Variants in TMEM9B observed in about 807,000 individuals in gnomAD.
TMEM9B encodes the protein transmembrane protein 9B.
TMEM9B carries 8 observed loss-of-function variants against 23.5 expected under a neutral mutation model. The ratio of observed to expected loss-of-function variants is 0.34; its 90% CI spans 0.20 to 0.61. TMEM9B has a LOEUF of 0.61. Among genes scored for constraint, TMEM9B ranks in the 20% least tolerant of loss-of-function variants. TMEM9B has a pLI of 0.78. For missense variants in TMEM9B, 197 were observed against 252.3 expected (o/e 0.78, Z 1.49); for synonymous variants, 106 against 96.3 (o/e 1.10, Z -0.59).
At chr11:8,954,404 G>T (rs181064495) in intron 3 of TMEM9B, among the ~76,000 whole-genome samples, 1 of 151,666 alleles carries the variant, frequency 6.6e-6, no homozygotes, top group Admixed American at 6.6e-5. Flanking sequence ...TTCTCATGCC[G>T]TAGCCTCCCA....
intron 3 of TMEM9B, among the ~76,000 whole-genome samples, chr11:8,954,000 C>A (rs1853928621): frequency 6.6e-6 from 1 of 152,136 alleles, no homozygotes. Flanking sequence ...ATAGTAAAAA[C>A]CCAGACATAA....
chr11:8,963,831 G>A (rs1426292411), intron 1 of TMEM9B, among the ~76,000 whole-genome samples: 1 of 151,982 alleles, frequency 6.6e-6, no homozygotes, highest in Admixed American at 6.5e-5. Flanking sequence ...GGCGGAGGGC[G>A]CAGGTGGGCT....
intron 2 of TMEM9B, 89 bp downstream of exon 2, chr11:8,961,997 TAAAAAG>T (rs1854091597): frequency 5.9e-6 from 5 of 845,708 alleles, no homozygotes; most frequent in Non-Finnish European, 8.9e-6. Context: ...ATGAAATACT[TAAAAAG>T]AAAACTATGC....
chr11:8,964,163 G>A (rs987393386), intron 1 of TMEM9B, 46 bp downstream of exon 1: 10 of 1,537,230 alleles, frequency 6.5e-6, no homozygotes, highest in Non-Finnish European at 8.8e-6. Flanking sequence ...CAAGGCCGGT[G>A]GTAGGGGAGG....
At position 8,964,427 on chromosome 11, in the gene TMEM9B, G is replaced by T. The variant is rs1359967621; in HGVS notation, c.-114C>A. The T allele has an allele frequency of 5.6e-6, 8 of 1,435,274 alleles. No homozygotes were observed. Among genetic ancestry groups the T allele is most frequent in the Non-Finnish European group, 6.4e-6 (7 of 1,101,278 alleles). The allele number at this position is 1,435,274 out of a possible 1,614,324, so 88.9% of individuals were successfully genotyped here. ...CTTGGGACCCGGCTGGGGATCCTCCGCCCGCACTTCCGTCTGGACGCGAAG... is the reference window on the plus strand; with the variant it reads ...CTTGGGACCCGGCTGGGGATCCTCCTCCCGCACTTCCGTCTGGACGCGAAG... On this transcript the variant is annotated 5_prime_UTR_variant, in exon 1 of 5. Transcript: ENST00000534025.
chr11:8,947,718 A>G lies in TMEM9B; in HGVS notation c.*602T>C. On this transcript the variant is annotated 3_prime_UTR_variant, in exon 5 of 5. Transcript: ENST00000534025. ...TGTGAAAAGCCACCAGGCATTTTAG[A>G]TCCCGTTTACCATGAAGTGCAGACA... The G allele has an allele frequency of 6.5e-6, 1 of 152,764 alleles. No homozygotes were observed. 9.5% of individuals were successfully genotyped at this position (152,764 alleles called of 1,614,324 possible).
intron 4 of TMEM9B, among the ~76,000 whole-genome samples, chr11:8,951,757 C>CAA (rs747141702): frequency 0.068 from 6,165 of 91,214 alleles, 201 homozygotes; most frequent in East Asian, 0.19. Context: ...GACTGCGTCT[C>CAA]AAAAAAAAAA....
At chr11:8,963,964 G>A in intron 1 of TMEM9B, 2 of 535,266 alleles carry the variant, frequency 3.7e-6, no homozygotes, top group Non-Finnish European at 6.6e-6. Context: ...TGTCCGGACT[G>A]TGGGCACTGT....
chr11:8,948,740 TAAA>T (rs1853822771), intron 4 of TMEM9B, among the ~76,000 whole-genome samples: 1 of 152,120 alleles, frequency 6.6e-6, no homozygotes, highest in Non-Finnish European at 1.5e-5. Context: ...ATATTTCCCT[TAAA>T]GAAGTGGAGA....
intron 2 of TMEM9B, among the ~76,000 whole-genome samples, chr11:8,959,894 G>A (rs1305864379): frequency 6.6e-6 from 1 of 152,098 alleles, no homozygotes; most frequent in East Asian, 1.9e-4. Context: ...AAAATGAAAG[G>A]CCCAGAAAAC....
At chr11:8,951,051 T>C (rs570700792) in intron 4 of TMEM9B, among the ~76,000 whole-genome samples, 47 of 152,286 alleles carry the variant, frequency 3.1e-4, no homozygotes, top group African/African-American at 1.0e-3. Context: ...AGAGACAGTG[T>C]TCTCAAATAG....
At chr11:8,952,179 T>G (rs1853889437) in intron 4 of TMEM9B, among the ~76,000 whole-genome samples, 1 of 151,998 alleles carries the variant, frequency 6.6e-6, no homozygotes, top group African/African-American at 2.4e-5. Flanking sequence ...TTTCTGGACA[T>G]TTTTGAATAA....
chr11:8,953,492 A>G (rs528353219), intron 3 of TMEM9B, among the ~76,000 whole-genome samples, 155 bp from the exon 4 acceptor site: 98 of 123,472 alleles, frequency 7.9e-4, no homozygotes, highest in Middle Eastern at 3.8e-3. Flanking sequence ...ACTCTTCACC[A>G]AAGTATTATT....
At chr11:8,952,858 G>A in intron 4 of TMEM9B, 3 of 488,010 alleles carry the variant, frequency 6.1e-6, no homozygotes, top group Non-Finnish European at 7.2e-6. Context: ...TGGTGATATT[G>A]ACAGAGAAGG....
Position 8,947,829 on chromosome 11 carries a change from A to C in TMEM9B, c.*491T>G, listed in dbSNP as rs1201640494. 6.4e-6 allele frequency: 1 copy of C among 155,368 alleles called. No individual in the cohort carries two copies. Among genetic ancestry groups the C allele is most frequent in the Non-Finnish European group, 1.4e-5 (1 of 69,740 alleles). 9.6% of individuals were successfully genotyped at this position (155,368 alleles called of 1,614,324 possible). ...TGAGGCTGGCTACACTGCAAAATAT[A>C]AATGAAACTCGAAAATAGAAGGTAA... On this transcript the variant is annotated 3_prime_UTR_variant, in exon 5 of 5. Coordinates refer to ENST00000534025, the MANE Select transcript of TMEM9B (RefSeq NM_020644.3).
intron 2 of TMEM9B, among the ~76,000 whole-genome samples, chr11:8,958,402 T>C (rs544484020): frequency 1.2e-4 from 17 of 145,670 alleles, no homozygotes; most frequent in African/African-American, 3.8e-4. Context: ...GCAGAGGTTG[T>C]AGTGAGCCGA....
intron 4 of TMEM9B, among the ~76,000 whole-genome samples, chr11:8,952,083 T>C (rs1853887164): frequency 6.6e-6 from 1 of 152,154 alleles, no homozygotes; most frequent in Non-Finnish European, 1.5e-5. Flanking sequence ...CACTCCAGCA[T>C]GGGCGACAGA....
In TMEM9B at chr11:8,958,387, G is replaced by C. The variant is rs1011482886; in HGVS notation, c.198-2089C>G. On this transcript the variant is annotated intron_variant, in intron 2 of 4. Coordinates refer to ENST00000534025, the MANE Select transcript of TMEM9B (RefSeq NM_020644.3). ...TGAGGCAGGAGAATCACTTGAACCT[G>C]GGAGGCAGAGGTTGTAGTGAGCCGA... 2.0e-5 allele frequency among the ~76,000 whole-genome samples: 3 copies of C among 150,996 alleles called. No homozygotes were observed. In the East Asian group the frequency reaches 6.0e-4, roughly 30 times the overall value.
At chr11:8,960,741 G>A (rs1439746531) in intron 2 of TMEM9B, among the ~76,000 whole-genome samples, 3 of 151,830 alleles carry the variant, frequency 2.0e-5, no homozygotes, top group African/African-American at 7.3e-5. Flanking sequence ...GAGTGCAGTG[G>A]CGCGATCTCG....
Sources: allele counts gnomAD v4.1 joint callset (sites outside exome capture counted in the v4.1 genomes callset), GRCh38; gene constraint gnomAD v4.1.1; transcripts MANE v1.5; gene names NCBI Gene and HGNC (gene_info 2026-07-23, HGNC 2026-07-21).